The following ATP2B2 variants were observed in gnomAD, a reference collection of about 807,000 sequenced individuals.
The protein encoded by ATP2B2 is plasma membrane calcium-transporting ATPase 2.
Under a neutral mutation model 120.0 loss-of-function variants are expected in ATP2B2, and 15 were observed. The ratio of observed to expected loss-of-function variants is 0.12; its 90% CI spans 0.08 to 0.19. The LOEUF (loss-of-function observed/expected upper bound fraction) is 0.19, where lower values mean the gene tolerates loss of function less well. Ranked by LOEUF, ATP2B2 falls within the 10% of genes least tolerant of loss-of-function variation. The pLI, the probability that ATP2B2 is intolerant of heterozygous loss-of-function variation, is 1.00. For synonymous variants in ATP2B2, 694 were observed against 700.3 expected (o/e 0.99, Z 0.14); for missense variants, 1,045 against 1,719.8 (o/e 0.61, Z 6.94).
At position 10,358,558 on chromosome 3, in the gene ATP2B2, A is replaced by G. The variant is rs934269255; in HGVS notation, c.2136+133T>C. The G allele has an allele frequency of 4.4e-6, 4 of 904,934 alleles. No homozygotes were observed. In the African/African-American group the frequency reaches 6.6e-5, roughly 15 times the overall value. The allele number at this position is 904,934 out of a possible 1,614,324, so 56.1% of individuals were successfully genotyped here. ...ATGGGCAATCCTCTTATGAGGATCA[A>G]GGAAGGAAATCCCCATGGGCATTAT... On this transcript the variant is annotated intron_variant, in intron 14 of 22. Coordinates refer to ENST00000360273, the MANE Select transcript of ATP2B2 (RefSeq NM_001001331.4).
intron 2 of ATP2B2, among the ~76,000 whole-genome samples, chr3:10,567,149 C>G (rs2068027476): frequency 6.6e-6 from 1 of 152,182 alleles, no homozygotes; most frequent in Non-Finnish European, 1.5e-5. Context: ...AATCTTCCTC[C>G]CAACCACAAT....
At chr3:10,373,625 T>G (rs573451638) in intron 11 of ATP2B2, among the ~76,000 whole-genome samples, 2 of 151,708 alleles carry the variant, frequency 1.3e-5, no homozygotes, top group East Asian at 3.9e-4. Context: ...ATAAGTTGGA[T>G]AATAGTGTTG....
chr3:10,707,676 A>T (rs2125724431), intron 1 of ATP2B2, among the ~76,000 whole-genome samples: 1 of 151,818 alleles, frequency 6.6e-6, no homozygotes, highest in East Asian at 2.0e-4. Context: ...GGGTCCGCGG[A>T]CGCCCACCCC....
intron 2 of ATP2B2, among the ~76,000 whole-genome samples, chr3:10,437,968 A>G (rs2063531302): frequency 6.6e-6 from 1 of 152,166 alleles, no homozygotes; most frequent in South Asian, 2.1e-4. Context: ...GAACTGTGAG[A>G]GAATGAATTT....
chr3:10,550,722 G>A (rs915826241), intron 2 of ATP2B2, among the ~76,000 whole-genome samples: 7 of 152,164 alleles, frequency 4.6e-5, no homozygotes, highest in Non-Finnish European at 8.8e-5. Context: ...ACACTCCTCT[G>A]ATTATAGCAA....
At chr3:10,535,370 G>A (rs1240912265) in intron 2 of ATP2B2, among the ~76,000 whole-genome samples, 1 of 150,120 alleles carries the variant, frequency 6.7e-6, no homozygotes, top group East Asian at 2.0e-4. Context: ...TACAGCGCTT[G>A]CATGCAGCAG....
At chr3:10,488,876 T>C (rs1448030153) in intron 1 of ATP2B2, among the ~76,000 whole-genome samples, 1 of 151,832 alleles carries the variant, frequency 6.6e-6, no homozygotes, top group Non-Finnish European at 1.5e-5. Flanking sequence ...AAAAATCAAG[T>C]CCCTCTTCTG....
At chr3:10,420,176 C>T (rs924332379) in intron 2 of ATP2B2, among the ~76,000 whole-genome samples, 2 of 152,200 alleles carry the variant, frequency 1.3e-5, no homozygotes, top group African/African-American at 4.8e-5. Context: ...TGCTTCATAT[C>T]CTGTCAGAGG....
intron 5 of ATP2B2, among the ~76,000 whole-genome samples, chr3:10,396,543 C>G (rs2062043267): frequency 6.6e-6 from 1 of 152,220 alleles, no homozygotes; most frequent in South Asian, 2.1e-4. Context: ...GACTGGAAGG[C>G]CCAGCAAGGC....
intron 3 of ATP2B2, among the ~76,000 whole-genome samples, chr3:10,403,195 C>G (rs545126716): frequency 6.6e-6 from 1 of 152,342 alleles, no homozygotes; most frequent in South Asian, 2.1e-4. Context: ...GGTGGAAGCT[C>G]CTGGCCAGAG....
chr3:10,694,646 C>T (rs1424179260), intron 1 of ATP2B2, among the ~76,000 whole-genome samples: 2 of 152,188 alleles, frequency 1.3e-5, no homozygotes, highest in Non-Finnish European at 2.9e-5. Flanking sequence ...CCTATTTCTT[C>T]TCCATTCTCA....
chr3:10,595,798 T>C (rs902039317), intron 2 of ATP2B2, among the ~76,000 whole-genome samples: 3 of 152,216 alleles, frequency 2.0e-5, no homozygotes, highest in Non-Finnish European at 4.4e-5. Context: ...CAAATGAAGA[T>C]TGCTTAATGG....
intron 1 of ATP2B2, among the ~76,000 whole-genome samples, chr3:10,656,840 T>C (rs1360044746): frequency 1.3e-5 from 2 of 152,136 alleles, no homozygotes; most frequent in African/African-American, 4.8e-5. Flanking sequence ...CCCTGGGAAG[T>C]TCCGGAGGAA....
upstream of ATP2B2, among the ~76,000 whole-genome samples, chr3:10,509,039 G>A (rs1253284649): frequency 6.6e-6 from 1 of 152,202 alleles, no homozygotes. Flanking sequence ...GAGGGGTCCT[G>A]GAGCTGAGAC....
In ATP2B2 at chr3:10,346,097, C is replaced by T; in HGVS notation, c.2445G>A (p.Val815=). 6.2e-7 allele frequency: 1 copy of T among 1,612,180 alleles called. No individual in the cohort carries two copies. Among genetic ancestry groups the T allele is most frequent in the Non-Finnish European group, 8.5e-7 (1 of 1,179,972 alleles). ...DSTHTEQRQV[V]AVTGDGTNDG... ...CGTTGGTCCCGTCCCCCGTCACGGC[C>T]ACCACCTGCCGCTGCTCAGTGTGTG... is the stretch of plus-strand genomic sequence containing the variant. The change falls in exon 17 of 23, where the codon GTG becomes GTA. Residue 815 remains valine, a synonymous_variant. Transcript: ENST00000360273. This position sits in a 1 kb window ranked among gnomAD's most constrained non-coding sequence, Gnocchi z 4.1.
At chr3:10,664,126 G>C (rs2070862737) in intron 1 of ATP2B2, among the ~76,000 whole-genome samples, 1 of 152,098 alleles carries the variant, frequency 6.6e-6, no homozygotes, top group South Asian at 2.1e-4. Flanking sequence ...CAGAGTCTAA[G>C]AGCCAGGGAG....
chr3:10,557,992 G>A lies in ATP2B2; in HGVS notation c.-414-23859C>T, dbSNP rs115879186. 5.2e-3 allele frequency among the ~76,000 whole-genome samples: 793 copies of A among 152,270 alleles called. 9 individuals carry two copies. The highest frequency in any genetic ancestry group is 0.017 in the African/African-American group (727 of 41,546). On this transcript the variant is annotated intron_variant, in intron 2 of 21. Transcript: ENST00000646379. ...GCCCCTGGCCAGGCAGTGATACAGG[G>A]ACATAATGTAGAAATAAGGCAAGAC...
intron 2 of ATP2B2, among the ~76,000 whole-genome samples, chr3:10,537,633 C>T (rs2067348214): frequency 6.6e-6 from 1 of 152,066 alleles, no homozygotes; most frequent in Non-Finnish European, 1.5e-5. Flanking sequence ...CATCTGCAAA[C>T]AGGGAGAGTT....
intron 1 of ATP2B2, among the ~76,000 whole-genome samples, chr3:10,492,172 C>T (rs1368965837): frequency 6.6e-6 from 1 of 152,020 alleles, no homozygotes; most frequent in Non-Finnish European, 1.5e-5. Context: ...TTTCTGGCCA[C>T]CCTGTGGGTT....
Sources: gnomAD v4.1 joint callset for allele counts (sites outside exome capture counted in the v4.1 genomes callset) on GRCh38, gnomAD v4.1.1 for gene constraint, Gnocchi (gnomAD v3.1) non-coding constraint, MANE v1.5 for transcripts, NCBI Gene and HGNC (gene_info 2026-07-23, HGNC 2026-07-21) for gene names.